WDR97: variants seen among roughly 807,000 people sequenced by gnomAD.
WDR97 encodes WD repeat domain 97.
WDR97 carries 111 observed loss-of-function variants against 65.4 expected under a neutral mutation model. The observed-to-expected ratio is 1.70, with a 90% CI of 1.45 to 1.99. The LOEUF is 1.99. WDR97 is among the 30% of genes most tolerant of loss of function. The pLI, the probability that WDR97 is intolerant of heterozygous loss-of-function variation, is 0.00. For missense variants in WDR97, 1,674 were observed against 865.0 expected, an observed-to-expected ratio of 1.94 and a Z score of -11.73; for synonymous variants, 802 against 397.7, an observed-to-expected ratio of 2.02 and a Z score of -12.10.
chr8:144,115,365 G>A lies in WDR97; in HGVS notation c.4102G>A (p.Val1368Ile). ...LQETPSQTSV[V>I]SGAPTRASVI... Reference sequence around the variant, plus strand: ...GGAGACCCCATCGCAGACGTCAGTGGTCTCTGGGGCACCCACACGCGCCTC... The same window carrying A: ...GGAGACCCCATCGCAGACGTCAGTGATCTCTGGGGCACCCACACGCGCCTC... The change falls in exon 22 of 24, where the codon GTC becomes ATC. Residue 1368 changes from valine to isoleucine, a missense_variant. Coordinates refer to ENST00000323662, the MANE Select transcript of WDR97 (RefSeq NM_001316309.2). 1.6e-6 allele frequency: 1 copy of A among 610,090 alleles called. No individual in the cohort carries two copies. The highest frequency in any genetic ancestry group is 3.0e-6 in the Non-Finnish European group (1 of 338,238). 37.8% of individuals were successfully genotyped at this position (610,090 alleles called of 1,614,324 possible).
rs1397947766 is a variant in WDR97, at chr8:144,115,350, T to TC, written c.4088dup (p.Gln1364AlafsTer129). ...TTCCTCTCCTCCCAAGGAGACCCCA[T>TC]CGCAGACGTCAGTGGTCTCTGGGGC... On this transcript the variant is annotated frameshift_variant, in exon 22 of 24. Coordinates refer to ENST00000323662, the MANE Select transcript of WDR97 (RefSeq NM_001316309.2). LOFTEE classifies it high-confidence loss of function. 1.7e-6 allele frequency: 1 copy of TC among 600,200 alleles called. No individual in the cohort carries two copies. Among genetic ancestry groups the TC allele is most frequent in the Admixed American group, 2.9e-5 (1 of 34,188 alleles). The allele number at this position is 600,200 out of a possible 1,614,324, so 37.2% of individuals were successfully genotyped here. A position where few individuals can be genotyped will look rare whatever the true frequency, so the allele number is the denominator to read the frequency against.
rs1467305862 is a variant in WDR97 at position 144,116,208 on chromosome 8, C to G, written c.4784C>G (p.Pro1595Arg). 4.4e-6 allele frequency: 3 copies of G among 688,680 alleles called. No homozygotes were observed. The highest frequency in any genetic ancestry group is 7.9e-6 in the Non-Finnish European group (3 of 377,806). 42.7% of individuals were successfully genotyped at this position (688,680 alleles called of 1,614,324 possible). A position where few individuals can be genotyped will look rare whatever the true frequency, so the allele number is the denominator to read the frequency against. The change falls in exon 24 of 24, where the codon CCG (proline) becomes CGG (arginine). Residue 1595 changes from proline (P) to arginine (R), a missense_variant. Transcript: ENST00000323662. ...QPFPLDWPMP[P>R]RPLPPRLLQP... ...TTCCCCCTGGACTGGCCTATGCCCCCGCGCCCGCTGCCCCCGCGGCTCCTG... is the reference window on the plus strand; with the variant it reads ...TTCCCCCTGGACTGGCCTATGCCCCGGCGCCCGCTGCCCCCGCGGCTCCTG...
At position 144,117,950 on chromosome 8, in the gene WDR97, G is replaced by A. The variant is rs1204005761; in HGVS notation, c.*1657G>A. 6.6e-6 allele frequency: 1 copy of A among 152,152 alleles called. No homozygotes were observed. The highest frequency in any genetic ancestry group is 1.5e-5 in the Non-Finnish European group (1 of 68,052). 9.4% of individuals were successfully genotyped at this position (152,152 alleles called of 1,614,324 possible). A position where few individuals can be genotyped will look rare whatever the true frequency, so the allele number is the denominator to read the frequency against. ...CTATCTCCAAGACAGCAAAGGCAGG[G>A]GAAAGTCCTGCCTTGGGGAGAAAAA... is the stretch of plus-strand genomic sequence containing the variant. On this transcript the variant is annotated 3_prime_UTR_variant, in exon 24 of 24. Coordinates refer to ENST00000323662, the MANE Select transcript of WDR97 (RefSeq NM_001316309.2).
rs1453284788 is a variant in WDR97, at chr8:144,111,199, C to T, written c.2403C>T (p.Asn801=). 2 of 702,746 alleles carry T rather than the reference C, an allele frequency of 2.8e-6. No homozygotes were observed. The highest frequency in any genetic ancestry group is 2.0e-5 in the Admixed American group (1 of 50,020). 43.5% of individuals were successfully genotyped at this position (702,746 alleles called of 1,614,324 possible). A position where few individuals can be genotyped will look rare whatever the true frequency, so the allele number is the denominator to read the frequency against. ...CCGCCCAACTGCAGAGGCTCACCAA[C>T]CTCCATGGGGCAGCCAGCCTCAGGT... ...LTSAQLQRLT[N]LHGAASLSEA... Residue 801 remains asparagine, a synonymous_variant, in exon 10 of 24, where the codon AAC becomes AAT. Coordinates refer to ENST00000323662, the MANE Select transcript of WDR97 (RefSeq NM_001316309.2).
Position 144,116,417 on chromosome 8 carries a change from C to T in WDR97, c.*124C>T, listed in dbSNP as rs955479043. 2.5e-5 allele frequency: 14 copies of T among 555,894 alleles called. No individual in the cohort carries two copies. The highest frequency in any genetic ancestry group is 2.9e-4 in the Middle Eastern group (1 of 3,406). The allele number at this position is 555,894 out of a possible 1,614,324, so 34.4% of individuals were successfully genotyped here. On this transcript the variant is annotated 3_prime_UTR_variant, in exon 24 of 24. Coordinates refer to ENST00000323662, the MANE Select transcript of WDR97 (RefSeq NM_001316309.2). ...GGATGCCGCCTGCTTTGGAGGGCCC[C>T]GGGGTGCGCACGGCGTGTGGGCGTG...
Position 144,109,777 on chromosome 8 carries a change from C to A in WDR97, c.1443C>A (p.Ala481=), listed in dbSNP as rs1290300839. Residue 481 remains alanine (A), a synonymous_variant, in exon 5 of 24, where the codon GCC becomes GCA. Transcript: ENST00000323662. The part of the protein sequence containing the change: ...LEPEDCAAAV[A]YCLPREALWL... The stretch of plus-strand genomic sequence containing the variant: ...CGGAGGACTGCGCGGCAGCCGTGGC[C>A]TACTGCCTGCCGCGCGAGGCGCTGT... 4 of 673,034 alleles carry A rather than the reference C, an allele frequency of 5.9e-6. No individual in the cohort carries two copies. Among genetic ancestry groups the A allele is most frequent in the Non-Finnish European group, 1.1e-5 (4 of 373,908 alleles). The allele number at this position is 673,034 out of a possible 1,614,324, so 41.7% of individuals were successfully genotyped here.
At position 144,115,699 on chromosome 8, in the gene WDR97, T is replaced by C; in HGVS notation, c.4436T>C (p.Leu1479Pro). ...EETDWSHSQL[L>P]DLGPIDALNF... ...ACCGACTGGTCGCACTCGCAGCTGC[T>C]GGACTTGGGCCCCATCGACGCGCTC... The change falls in exon 22 of 24, where the codon CTG becomes CCG. Residue 1479 changes from leucine to proline, a missense_variant. Leu to Pro is a moderately conservative substitution (Grantham distance 98). Transcript: ENST00000323662. 1.4e-6 allele frequency: 1 copy of C among 701,166 alleles called. No individual in the cohort carries two copies. Among genetic ancestry groups the C allele is most frequent in the Non-Finnish European group, 2.6e-6 (1 of 384,256 alleles). The allele number at this position is 701,166 out of a possible 1,614,324, so 43.4% of individuals were successfully genotyped here.
rs1836559038 is a variant in WDR97 at position 144,111,945 on chromosome 8, G to A, written c.2696G>A (p.Arg899Lys). ...AGTGCCGGGACCCTCAGAGTGGAGA[G>A]AGAGACCCGGGATGTGTGTGCTGTA... ...QWSAGTLRVE[R>K]ETRDVCAVPQ... The change falls in exon 13 of 24, where the codon AGA becomes AAA. Residue 899 changes from arginine (R) to lysine (K), a missense_variant. Coordinates refer to ENST00000323662, the MANE Select transcript of WDR97 (RefSeq NM_001316309.2). 1.1e-5 allele frequency: 8 copies of A among 702,394 alleles called. No homozygotes were observed. Among genetic ancestry groups the A allele is most frequent in the Non-Finnish European group, 2.1e-5 (8 of 384,950 alleles). The allele number at this position is 702,394 out of a possible 1,614,324, so 43.5% of individuals were successfully genotyped here. A position where few individuals can be genotyped will look rare whatever the true frequency, so the allele number is the denominator to read the frequency against.
chr8:144,115,495 CTT>C lies in WDR97; in HGVS notation c.4234_4235del (p.Leu1412SerfsTer80), dbSNP rs1418698497. On this transcript the variant is annotated frameshift_variant, in exon 22 of 24. Coordinates refer to ENST00000323662, the MANE Select transcript of WDR97 (RefSeq NM_001316309.2). LOFTEE classifies it high-confidence loss of function. ...GTGGTCTCACCTGCGGAGCCGCACT[CTT>C]TAGCCCCGGAGCTCCAGGCCCAGCG... 2 of 696,870 alleles carry C rather than the reference CTT, an allele frequency of 2.9e-6. No homozygotes were observed. The highest frequency in any genetic ancestry group is 2.0e-5 in the Admixed American group (1 of 49,432). 43.2% of individuals were successfully genotyped at this position (696,870 alleles called of 1,614,324 possible).
At position 144,113,838 on chromosome 8, in the gene WDR97, C is replaced by G. The variant is rs778521009; in HGVS notation, c.3365C>G (p.Pro1122Arg). The change falls in exon 17 of 24, where the codon CCG (proline) becomes CGG (arginine). Residue 1122 changes from proline to arginine, a missense_variant. Coordinates refer to ENST00000323662, the MANE Select transcript of WDR97 (RefSeq NM_001316309.2). ...GACTGGGCCTTGGCTTCCCTGAGCC[C>G]GCACTCCAACCAGCAGCTGGATTCC... is the stretch of plus-strand genomic sequence containing the variant. ...ELDWALASLSPHSNQQLDSWE... is the reference protein window; with the variant it reads ...ELDWALASLSRHSNQQLDSWE... 2 of 699,540 alleles carry G rather than the reference C, an allele frequency of 2.9e-6. No homozygotes were observed. Among genetic ancestry groups the G allele is most frequent in the East Asian group, 2.7e-5 (1 of 37,176 alleles). 43.3% of individuals were successfully genotyped at this position (699,540 alleles called of 1,614,324 possible). A position where few individuals can be genotyped will look rare whatever the true frequency, so the allele number is the denominator to read the frequency against.
Position 144,113,755 on chromosome 8 carries a change from GGAGGAGGGGGAGGAAGACAAGAAGGAA to G in WDR97, c.3290_3316del (p.Gly1097_Glu1105del). 1.4e-6 allele frequency: 1 copy of G among 702,160 alleles called. No homozygotes were observed. The allele number at this position is 702,160 out of a possible 1,614,324, so 43.5% of individuals were successfully genotyped here. On this transcript the variant is annotated inframe_deletion, in exon 17 of 24. Transcript: ENST00000323662. The stretch of plus-strand genomic sequence containing the variant: ...TCCAATGGATGGGGGAGAAGCCTGG[GGAGGAGGGGGAGGAAGACAAGAAGGAA>G]GAGGAGGAGGAGAAGGAAGACGAGG...
intron 15 of WDR97, 42 bp from the exon 16 acceptor site, chr8:144,113,398 G>GA (rs397815911): frequency 1.4e-6 from 1 of 700,816 alleles, no homozygotes; most frequent in Non-Finnish European, 2.6e-6. Context: ...TCCAGGCTGG[G>GA]GAATCCAGGT....
intron 15 of WDR97, 136 bp downstream of exon 15, chr8:144,112,666 G>A: frequency 1.5e-6 from 1 of 652,264 alleles, no homozygotes; most frequent in Non-Finnish European, 2.8e-6. Context: ...CAGAGGGCCA[G>A]GCTGTAGCCT....
At position 144,109,723 on chromosome 8, in the gene WDR97, G is replaced by T; in HGVS notation, c.1389G>T (p.Gly463=). Residue 463 remains glycine (G), a synonymous_variant, in exon 5 of 24, where the codon GGG becomes GGT. Coordinates refer to ENST00000323662, the MANE Select transcript of WDR97 (RefSeq NM_001316309.2). Reference sequence around the variant, plus strand: ...TCTACCTCCTGTCGGCGGCCACCGGGCGCATAGTGAGCTCACTGCTGCTGG... The same window carrying T: ...TCTACCTCCTGTCGGCGGCCACCGGTCGCATAGTGAGCTCACTGCTGCTGG... ...GSVYLLSAAT[G]RIVSSLLLEP... The T allele has an allele frequency of 1.5e-6, 1 of 681,120 alleles. No individual in the cohort carries two copies. Among genetic ancestry groups the T allele is most frequent in the Non-Finnish European group, 2.7e-6 (1 of 376,408 alleles). 42.2% of individuals were successfully genotyped at this position (681,120 alleles called of 1,614,324 possible).
chr8:144,115,239 ACCT>A, intron 21 of WDR97, 99 bp from the exon 22 acceptor site: 1 of 564,158 alleles, frequency 1.8e-6, no homozygotes. Flanking sequence ...GCCATGGGTC[ACCT>A]CCTGACAGAT....
Position 144,115,783 on chromosome 8 carries a change from C to T in WDR97, c.4520C>T (p.Ala1507Val), listed in dbSNP as rs754488617. 11 of 690,636 alleles carry T rather than the reference C, an allele frequency of 1.6e-5. No homozygotes were observed. Among genetic ancestry groups the T allele is most frequent in the East Asian group, 8.1e-5 (3 of 37,108 alleles). The allele number at this position is 690,636 out of a possible 1,614,324, so 42.8% of individuals were successfully genotyped here. ...CGGAGTTCGCTCCAGGAGAAGGCTG[C>T]GCACCCACACCCGCCAGAGCCCTAC... ...QQRSSLQEKA[A>V]HPHPPEPYTV... Residue 1507 changes from alanine to valine, a missense_variant, in exon 22 of 24, where the codon GCG (alanine) becomes GTG (valine). Ala to Val is a moderately conservative substitution (Grantham distance 64). Transcript: ENST00000323662.
At chr8:144,114,990 C>G (rs1836622884) in intron 21 of WDR97, 79 bp downstream of exon 21, 1 of 618,786 alleles carries the variant, frequency 1.6e-6, no homozygotes, top group Non-Finnish European at 2.9e-6. Context: ...GGGTCAAAGC[C>G]AGCTGAGGCC....
At chr8:144,108,229 T>C (rs2130035374) in intron 2 of WDR97, 34 bp downstream of exon 2, 1 of 696,092 alleles carries the variant, frequency 1.4e-6, no homozygotes, top group Admixed American at 2.0e-5. Context: ...TCCTGGCCTC[T>C]TTCCGGATCT....
At position 144,115,849 on chromosome 8, in the gene WDR97, G is replaced by T. The variant is rs1836644217; in HGVS notation, c.4586G>T (p.Arg1529Leu). ...CCCGACATGGTGGTGCCACCTCCGC[G>T]GGAGCACTGGTGCGCGGGGCCTGCG... The part of the protein sequence containing the change: ...PVPDMVVPPP[R>L]EHWYHPILRL... Residue 1529 changes from arginine (R) to leucine (L), a missense_variant, in exon 22 of 24, where the codon CGG becomes CTG. Coordinates refer to ENST00000323662, the MANE Select transcript of WDR97 (RefSeq NM_001316309.2). 2 of 690,668 alleles carry T rather than the reference G, an allele frequency of 2.9e-6. No homozygotes were observed. Among genetic ancestry groups the T allele is most frequent in the South Asian group, 1.5e-5 (1 of 66,588 alleles). The allele number at this position is 690,668 out of a possible 1,614,324, so 42.8% of individuals were successfully genotyped here. A position where few individuals can be genotyped will look rare whatever the true frequency, so the allele number is the denominator to read the frequency against.
Sources: gnomAD v4.1 joint callset for allele counts on GRCh38, gnomAD v4.1.1 for gene constraint, MANE v1.5 for transcripts, NCBI Gene and HGNC (gene_info 2026-07-23, HGNC 2026-07-21) for gene names.